CERT1: variants seen among roughly 807,000 people sequenced by gnomAD.
The protein encoded by CERT1 is ceramide transporter 1, also known as ceramide transfer protein.
CERT1 carries 31 observed loss-of-function variants against 87.9 expected under a neutral mutation model. The ratio of observed to expected loss-of-function variants is 0.35; its 90% CI spans 0.27 to 0.48. The LOEUF (loss-of-function observed/expected upper bound fraction) is 0.48, where lower values mean the gene tolerates loss of function less well. CERT1 is among the 20% of genes least tolerant of loss of function. The probability of loss-of-function intolerance (pLI) is 0.99; values close to 1 mark genes in which losing one functional copy is unlikely to be tolerated. For synonymous variants in CERT1, 289 were observed against 250.9 expected, an observed-to-expected ratio of 1.15 and a Z score of -1.44; for missense variants, 487 against 758.0, an observed-to-expected ratio of 0.64 and a Z score of 4.20.
chr5:75,509,782 T>C (rs1010104081), intron 1 of CERT1, among the ~76,000 whole-genome samples: 7 of 152,326 alleles, frequency 4.6e-5, no homozygotes, highest in African/African-American at 1.7e-4. Flanking sequence ...ACCCACTTCC[T>C]ATTACCAACT....
intron 9 of CERT1, 158 bp downstream of exon 9, chr5:75,402,814 A>AT: frequency 2.0e-6 from 1 of 506,258 alleles, no homozygotes. Context: ...AAAAAAAAAA[A>AT]GATTATTTTA....
intron 2 of CERT1, among the ~76,000 whole-genome samples, chr5:75,476,413 C>T (rs1167629937): frequency 6.6e-6 from 1 of 152,006 alleles, no homozygotes; most frequent in East Asian, 1.9e-4. Context: ...TCATGTCACT[C>T]CTCTGTTCAA....
chr5:75,414,635 C>T (rs1170978409), intron 7 of CERT1, among the ~76,000 whole-genome samples: 1 of 152,088 alleles, frequency 6.6e-6, no homozygotes, highest in Admixed American at 6.5e-5. Flanking sequence ...ACTTCTTCTA[C>T]AGTGGAAAGG....
chr5:75,495,561 T>G (rs1432704863), intron 2 of CERT1, among the ~76,000 whole-genome samples: 2 of 149,762 alleles, frequency 1.3e-5, no homozygotes, highest in African/African-American at 4.9e-5. Flanking sequence ...CTATCTCACT[T>G]ACAAAAAAAA....
intron 1 of CERT1, among the ~76,000 whole-genome samples, chr5:75,509,989 G>C (rs1293564929): frequency 6.6e-6 from 1 of 152,160 alleles, no homozygotes; most frequent in East Asian, 1.9e-4. Context: ...CCTTAGTTCT[G>C]ACTACTCATG....
chr5:75,398,649 C>T (rs1762349628), intron 11 of CERT1, among the ~76,000 whole-genome samples: 2 of 152,078 alleles, frequency 1.3e-5, no homozygotes, highest in Admixed American at 1.3e-4. Flanking sequence ...AAACTTCTTC[C>T]AATGGTAATC....
At chr5:75,426,542 T>A (rs759759988) in intron 3 of CERT1, 64 bp from the exon 4 acceptor site, 25 of 1,190,792 alleles carry the variant, frequency 2.1e-5, no homozygotes, top group Non-Finnish European at 3.1e-5. Context: ...AAACAAAAGG[T>A]TTCCTATGAA....
chr5:75,410,952 T>G (rs1296579419), intron 8 of CERT1, 59 bp downstream of exon 8: 51 of 897,802 alleles, frequency 5.7e-5, no homozygotes, highest in Non-Finnish European at 1.6e-5. Context: ...TATTAAAAAA[T>G]CACTTTTGTG....
chr5:75,402,920 G>T, intron 9 of CERT1, 52 bp downstream of exon 9: 1 of 1,035,558 alleles, frequency 9.7e-7, no homozygotes, highest in Non-Finnish European at 1.5e-6. Context: ...ACCAAGGAAT[G>T]CCTATAGTGT....
intron 3 of CERT1, among the ~76,000 whole-genome samples, chr5:75,427,693 T>G (rs527640815): frequency 2.0e-5 from 3 of 152,374 alleles, no homozygotes; most frequent in African/African-American, 7.2e-5. Context: ...TATCATGGTT[T>G]GACTGATTTC....
intron 2 of CERT1, among the ~76,000 whole-genome samples, chr5:75,497,060 A>G (rs1180264203): frequency 6.6e-6 from 1 of 152,236 alleles, no homozygotes; most frequent in Non-Finnish European, 1.5e-5. Context: ...AAGACTATCA[A>G]GAATACACAG....
intron 3 of CERT1, among the ~76,000 whole-genome samples, chr5:75,455,141 G>A (rs558518148): frequency 1.2e-4 from 18 of 152,290 alleles, no homozygotes; most frequent in Admixed American, 1.2e-3. Flanking sequence ...AGCCAGCACT[G>A]GTCAACAGAA....
chr5:75,393,602 TAAAAAAAA>T (rs60898983), intron 11 of CERT1, among the ~76,000 whole-genome samples: 2 of 32,770 alleles, frequency 6.1e-5, no homozygotes, highest in Non-Finnish European at 1.2e-4. Context: ...CTCATCTACT[TAAAAAAAA>T]AAAAAAAAAA....
intron 2 of CERT1, among the ~76,000 whole-genome samples, chr5:75,488,445 G>C (rs1766628214): frequency 6.6e-6 from 1 of 151,890 alleles, no homozygotes. Context: ...TATAGAACTT[G>C]CAAATTTATC....
intron 2 of CERT1, among the ~76,000 whole-genome samples, chr5:75,493,709 T>A (rs1165674679): frequency 2.6e-5 from 4 of 152,182 alleles, no homozygotes; most frequent in Admixed American, 2.6e-4. Context: ...TTGTCCTTTA[T>A]TTCTGTGAAT....
chr5:75,511,487 GC>G lies in CERT1; in HGVS notation c.-281del, dbSNP rs745406219. On this transcript the variant is annotated 5_prime_UTR_variant, in exon 1 of 17. Transcript: ENST00000643780. ...TGACCCCTGCGTTGCGCCCGGCGCTGCCACCCGAACTTAGCCCCCTCGATGC... is the reference window on the plus strand; with the variant it reads ...TGACCCCTGCGTTGCGCCCGGCGCTGCACCCGAACTTAGCCCCCTCGATGC... The G allele has an allele frequency of 6.3e-5, 94 of 1,501,826 alleles. No individual in the cohort carries two copies. The highest frequency in any genetic ancestry group is 8.0e-5 in the Non-Finnish European group (90 of 1,126,126). The allele number at this position is 1,501,826 out of a possible 1,614,324, so 93.0% of individuals were successfully genotyped here.
chr5:75,494,996 G>A (rs1766989314), intron 2 of CERT1, among the ~76,000 whole-genome samples: 1 of 152,122 alleles, frequency 6.6e-6, no homozygotes, highest in Non-Finnish European at 1.5e-5. Context: ...TAAGTTTTCA[G>A]GAATCATTAC....
intron 2 of CERT1, among the ~76,000 whole-genome samples, chr5:75,459,669 A>T (rs1410661201): frequency 2.0e-5 from 3 of 151,984 alleles, no homozygotes; most frequent in African/African-American, 7.2e-5. Context: ...ATTTTTTAAA[A>T]ATGTAGGCTT....
intron 6 of CERT1, among the ~76,000 whole-genome samples, chr5:75,418,933 T>A (rs1314349697): frequency 1.3e-5 from 2 of 152,210 alleles, no homozygotes; most frequent in Admixed American, 6.5e-5. Flanking sequence ...TTTATCAAAT[T>A]ATACACTTTA....
Sources: gnomAD v4.1 joint callset for allele counts (sites outside exome capture counted in the v4.1 genomes callset) on GRCh38, gnomAD v4.1.1 for gene constraint, MANE v1.5 for transcripts, NCBI Gene and HGNC (gene_info 2026-07-23, HGNC 2026-07-21) for gene names.